CEP126: variants seen among roughly 807,000 people sequenced by gnomAD.
The protein encoded by CEP126 is centrosomal protein of 126 kDa.
A neutral mutation model predicts 107.8 loss-of-function variants in CEP126; 74 were observed. That is an observed-to-expected ratio of 0.69 (90% confidence interval 0.57 to 0.83). The LOEUF is 0.83. CEP126 is among the 40% of genes least tolerant of loss of function. The pLI is 0.00. For synonymous variants in CEP126, 449 were observed against 446.0 expected (o/e 1.01, Z -0.08); for missense variants, 1,237 against 1,281.9 (o/e 0.96, Z 0.53).
chr11:101,932,476 C>G (rs558701618), intron 2 of CEP126, among the ~76,000 whole-genome samples: 16 of 152,232 alleles, frequency 1.1e-4, no homozygotes, highest in Admixed American at 5.9e-4. Context: ...AATTTGCTGT[C>G]AAAATGACTT....
Position 101,962,271 on chromosome 11 carries a change from C to T in CEP126, c.1236C>T (p.Ser412=), listed in dbSNP as rs1940985735. 1 of 1,613,758 alleles carries T rather than the reference C, an allele frequency of 6.2e-7. No individual in the cohort carries two copies. Among genetic ancestry groups the T allele is most frequent in the Non-Finnish European group, 8.5e-7 (1 of 1,179,810 alleles). The change falls in exon 6 of 11, where the codon AGC becomes AGT. Residue 412 remains serine (S), a synonymous_variant. Coordinates refer to ENST00000263468, the MANE Select transcript of CEP126 (RefSeq NM_020802.4). ...FKRERPLVTE[S]PTFKFSKSQS... ...GAGAGAGACCATTAGTTACTGAGAGCCCAACATTTAAATTTAGCAAATCCC... is the reference window on the plus strand; with the variant it reads ...GAGAGAGACCATTAGTTACTGAGAGTCCAACATTTAAATTTAGCAAATCCC...
intron 2 of CEP126, among the ~76,000 whole-genome samples, chr11:101,942,425 A>G (rs891496191): frequency 1.3e-5 from 2 of 152,062 alleles, no homozygotes; most frequent in Admixed American, 6.6e-5. Flanking sequence ...ATCATTGGCC[A>G]TATAGAAGAG....
At chr11:101,925,493 G>A (rs535966912) in intron 2 of CEP126, among the ~76,000 whole-genome samples, 27 of 151,114 alleles carry the variant, frequency 1.8e-4, no homozygotes, top group South Asian at 4.2e-4. Context: ...TTATCTGGCC[G>A]GGCGTGGTGA....
chr11:101,950,330 G>A (rs966674575), intron 4 of CEP126, among the ~76,000 whole-genome samples: 1 of 152,138 alleles, frequency 6.6e-6, no homozygotes, highest in African/African-American at 2.4e-5. Flanking sequence ...CCAATATATG[G>A]CTTTTCCCTT....
intron 2 of CEP126, among the ~76,000 whole-genome samples, chr11:101,937,879 C>T (rs913571406): frequency 1.3e-5 from 2 of 151,686 alleles, no homozygotes; most frequent in South Asian, 2.1e-4. Context: ...TTTGGCCGGG[C>T]GCGGTGGCTC....
intron 10 of CEP126, among the ~76,000 whole-genome samples, chr11:101,995,621 A>G (rs983476181): frequency 6.6e-6 from 1 of 152,202 alleles, no homozygotes. Context: ...TGATGAGGAA[A>G]GCCAGTGAAG....
chr11:101,957,685 G>C (rs545613580), intron 4 of CEP126, among the ~76,000 whole-genome samples: 1 of 152,110 alleles, frequency 6.6e-6, no homozygotes, highest in Admixed American at 6.5e-5. Context: ...AATTCCTGCT[G>C]ACCCTGACAA....
chr11:101,955,347 A>G (rs1940870993), intron 4 of CEP126, among the ~76,000 whole-genome samples: 1 of 152,228 alleles, frequency 6.6e-6, no homozygotes, highest in African/African-American at 2.4e-5. Flanking sequence ...TTAAATGGTT[A>G]AACTTTAATA....
At chr11:101,945,412 G>A (rs1460708562) in intron 3 of CEP126, among the ~76,000 whole-genome samples, 1 of 152,108 alleles carries the variant, frequency 6.6e-6, no homozygotes, top group Non-Finnish European at 1.5e-5. Flanking sequence ...TTCTCAAAGA[G>A]CTTTATATGC....
intron 10 of CEP126, chr11:101,993,047 C>A: frequency 3.9e-6 from 1 of 256,982 alleles, no homozygotes; most frequent in Non-Finnish European, 6.1e-6. Context: ...CCTTAAAGGT[C>A]AGAATATGAA....
rs368660158 is a variant in CEP126 at position 101,958,192 on chromosome 11, C to T, written c.531C>T (p.Ser177=). The T allele has an allele frequency of 1.1e-5, 18 of 1,613,602 alleles. No individual in the cohort carries two copies. The highest frequency in any genetic ancestry group is 1.7e-4 in the Middle Eastern group (1 of 6,050). Residue 177 remains serine, a synonymous_variant, in exon 5 of 11, where the codon TCC becomes TCT. Coordinates refer to ENST00000263468, the MANE Select transcript of CEP126 (RefSeq NM_020802.4). The part of the protein sequence containing the change: ...NWRAIDSALP[S]ALSKNDHKHQ... ...GAGCTATAGATTCTGCCTTGCCTTC[C>T]GCATTATCAAAAAATGATCACAAGC...
At chr11:101,935,198 T>G (rs1341048107) in intron 2 of CEP126, among the ~76,000 whole-genome samples, 2 of 152,044 alleles carry the variant, frequency 1.3e-5, no homozygotes, top group Admixed American at 6.6e-5. Context: ...GTTTGTCGTC[T>G]TCTTGTTGAA....
rs758850039 is a variant in CEP126 at position 101,978,370 on chromosome 11, C to T, written c.2869C>T (p.Arg957Ter). Residue 957 changes from arginine to a stop codon, truncating the protein, a stop_gained, in exon 7 of 11, where the codon CGA (arginine) becomes TGA (stop). Coordinates refer to ENST00000263468, the MANE Select transcript of CEP126 (RefSeq NM_020802.4). LOFTEE classifies it high-confidence loss of function. The stretch of plus-strand genomic sequence containing the variant: ...AGGGTCTACTGTTATGAGAAGAAAA[C>T]GAATTGCTGAAACTAAGCGGAGAAA... ...ATGSTVMRRK[R>*]IAETKRRNIL... The T allele has an allele frequency of 9.3e-6, 15 of 1,612,628 alleles. No homozygotes were observed. Among genetic ancestry groups the T allele is most frequent in the South Asian group, 2.2e-5 (2 of 91,008 alleles).
Position 101,962,824 on chromosome 11 carries a change from CAG to C in CEP126, c.1792_1793del (p.Ser598LeufsTer2). 6.2e-7 allele frequency: 1 copy of C among 1,601,758 alleles called. No homozygotes were observed. Among genetic ancestry groups the C allele is most frequent in the Non-Finnish European group, 8.5e-7 (1 of 1,176,594 alleles). ...TTATCTTAAGGCATTAATTATAAAT[CAG>C]AGCTTTAAGTTTGGAAATCAAAAAG... ...HGYLKALIINQSFKFGNQKAA... is the reference protein window; with the variant it reads ...HGYLKALIINXSFKFGNQKAA... On this transcript the variant is annotated frameshift_variant, in exon 6 of 11. Transcript: ENST00000263468. LOFTEE classifies it high-confidence loss of function.
intron 2 of CEP126, among the ~76,000 whole-genome samples, chr11:101,936,562 G>A (rs866137589): frequency 6.6e-6 from 1 of 151,784 alleles, no homozygotes; most frequent in South Asian, 2.1e-4. Context: ...TTACTTTTTT[G>A]TTGGCCTCAG....
At chr11:101,942,830 T>C (rs1940684695) in intron 2 of CEP126, among the ~76,000 whole-genome samples, 2 of 152,054 alleles carry the variant, frequency 1.3e-5, no homozygotes, top group Non-Finnish European at 2.9e-5. Context: ...TAGAAGTCTT[T>C]TGCCTCCTTG....
chr11:101,930,534 A>T (rs1940482151), intron 2 of CEP126, among the ~76,000 whole-genome samples: 1 of 152,164 alleles, frequency 6.6e-6, no homozygotes, highest in Non-Finnish European at 1.5e-5. Flanking sequence ...AAGATTTATT[A>T]TGAAGAGTGA....
At chr11:101,992,480 T>TA (rs1161391603) in intron 9 of CEP126, among the ~76,000 whole-genome samples, 1 of 151,960 alleles carries the variant, frequency 6.6e-6, no homozygotes, top group East Asian at 1.9e-4. Flanking sequence ...ATTTTTTTAT[T>TA]AAAAAAAGAG....
rs755768726 is a variant in CEP126, at chr11:101,962,083, C to T, written c.1048C>T (p.Pro350Ser). 1 of 1,612,410 alleles carries T rather than the reference C, an allele frequency of 6.2e-7. No individual in the cohort carries two copies. Among genetic ancestry groups the T allele is most frequent in the Non-Finnish European group, 8.5e-7 (1 of 1,179,248 alleles). The change falls in exon 6 of 11, where the codon CCA (proline) becomes TCA (serine). Residue 350 changes from proline to serine, a missense_variant. By Grantham distance (74) the Pro-to-Ser change is moderately conservative. Transcript: ENST00000263468. ...WEYFNSKEQNPSPLNGTVERA... is the reference protein window; with the variant it reads ...WEYFNSKEQNSSPLNGTVERA... ...ATATTTTAATAGTAAAGAACAAAAT[C>T]CATCTCCTTTGAATGGAACAGTGGA...
Sources: gnomAD v4.1 joint callset for allele counts (sites outside exome capture counted in the v4.1 genomes callset) on GRCh38, gnomAD v4.1.1 for gene constraint, MANE v1.5 for transcripts, NCBI Gene and HGNC (gene_info 2026-07-23, HGNC 2026-07-21) for gene names.